The following ASRGL1 variants were observed in gnomAD, a reference collection of about 807,000 sequenced individuals.
The protein encoded by ASRGL1 is asparaginase and isoaspartyl peptidase 1, also known as isoaspartyl peptidase/L-asparaginase.
Under a neutral mutation model 22.4 loss-of-function variants are expected in ASRGL1, and 16 were observed. The observed-to-expected ratio is 0.71, with a 90% CI of 0.48 to 1.08. The LOEUF is 1.08. Among genes scored for constraint, ASRGL1 ranks in the 50% least tolerant of loss-of-function variants. The probability of loss-of-function intolerance (pLI) is 0.00; values close to 1 mark genes in which losing one functional copy is unlikely to be tolerated. For synonymous variants in ASRGL1, 165 were observed against 159.3 expected, an observed-to-expected ratio of 1.04 and a Z score of -0.27; for missense variants, 412 against 410.1, an observed-to-expected ratio of 1.00 and a Z score of -0.04.
At chr11:62,373,194 C>A in intron 4 of ASRGL1, 1 of 979,652 alleles carries the variant, frequency 1.0e-6, no homozygotes. Context: ...GAGACTCCTC[C>A]GACTCCACAC....
At chr11:62,372,057 G>A (rs1362434679) in intron 4 of ASRGL1, 4 of 753,062 alleles carry the variant, frequency 5.3e-6, no homozygotes, top group Admixed American at 3.6e-5. Context: ...GCGGGGGTCC[G>A]GGTGCGGACA....
chr11:62,395,673 C>T (rs7929433), downstream of ASRGL1, among the ~76,000 whole-genome samples: 42,137 of 150,976 alleles, frequency 0.28, 5,966 homozygotes, highest in South Asian at 0.36. Flanking sequence ...TCGTTCTTCC[C>T]GCCCCCCACC....
intron 2 of ASRGL1, among the ~76,000 whole-genome samples, chr11:62,349,038 G>A (rs562868634): frequency 1.0e-3 from 159 of 151,756 alleles, no homozygotes; most frequent in African/African-American, 3.6e-3. Context: ...GCACGATCTC[G>A]GCTCACTGCA....
chr11:62,400,635 T>C, the ASRGL1 span, among the ~76,000 whole-genome samples: 6 of 152,364 alleles, frequency 3.9e-5, no homozygotes, highest in African/African-American at 1.4e-4. Context: ...CATCTATTTC[T>C]ACTTTGTGGA....
intron 4 of ASRGL1, chr11:62,371,327 G>A (rs1288769564): frequency 1.3e-5 from 16 of 1,270,864 alleles, no homozygotes; most frequent in Non-Finnish European, 1.6e-5. Context: ...GGGGCCCCCG[G>A]CAGGGGCAAG....
intron 4 of ASRGL1, among the ~76,000 whole-genome samples, chr11:62,374,527 G>C (rs1473666829): frequency 6.7e-6 from 1 of 148,594 alleles, no homozygotes; most frequent in Non-Finnish European, 1.5e-5. Context: ...TTAAATATTG[G>C]TCTCTTCAAG....
At chr11:62,372,656 A>T in intron 4 of ASRGL1, 1 of 988,398 alleles carries the variant, frequency 1.0e-6, no homozygotes, top group South Asian at 1.3e-5. Flanking sequence ...CCCAGAAGTG[A>T]GTCTTCTCCT....
chr11:62,393,812 G>C (rs562996348), downstream of ASRGL1, among the ~76,000 whole-genome samples: 5 of 151,778 alleles, frequency 3.3e-5, no homozygotes, highest in African/African-American at 1.2e-4. Flanking sequence ...CTCAGCTCTG[G>C]AGGCTAAAAG....
chr11:62,362,562 T>TATAA (rs1312578222), intron 4 of ASRGL1, among the ~76,000 whole-genome samples: 1 of 24,586 alleles, frequency 4.1e-5, no homozygotes, highest in Non-Finnish European at 5.9e-5. Context: ...CATATATTAT[T>TATAA]TATATAATAT....
chr11:62,381,865 GT>G (rs1347133358), intron 4 of ASRGL1: 2 of 152,844 alleles, frequency 1.3e-5, no homozygotes, highest in Non-Finnish European at 2.9e-5. Context: ...TCATCAACTT[GT>G]TCTCAATGAC....
chr11:62,384,316 A>G (rs1363607353), intron 4 of ASRGL1, among the ~76,000 whole-genome samples: 2 of 152,064 alleles, frequency 1.3e-5, no homozygotes, highest in Admixed American at 6.5e-5. Flanking sequence ...CAGCCTGGCC[A>G]AGATGGTGAA....
At chr11:62,374,461 C>T (rs1045785255) in intron 4 of ASRGL1, among the ~76,000 whole-genome samples, 4 of 152,110 alleles carry the variant, frequency 2.6e-5, no homozygotes, top group African/African-American at 9.7e-5. Context: ...TTCAGTGGTG[C>T]TTATGGGGGA....
intron 4 of ASRGL1, among the ~76,000 whole-genome samples, chr11:62,378,190 A>G (rs1946975998): frequency 6.6e-6 from 1 of 152,032 alleles, no homozygotes; most frequent in East Asian, 1.9e-4. Context: ...TTGTAGCTTA[A>G]TTTTTCTATA....
intron 2 of ASRGL1, among the ~76,000 whole-genome samples, chr11:62,343,377 CAAAAAAA>C (rs35798082): frequency 3.5e-5 from 3 of 86,352 alleles, no homozygotes; most frequent in African/African-American, 9.3e-5. Context: ...GACCCTGTCT[CAAAAAAA>C]AAAAAAAAAA....
At chr11:62,359,843 A>G (rs1490430967) in intron 4 of ASRGL1, among the ~76,000 whole-genome samples, 1 of 152,150 alleles carries the variant, frequency 6.6e-6, no homozygotes, top group Non-Finnish European at 1.5e-5. Flanking sequence ...TTTCAAAAAT[A>G]CAGTGGTAAA....
the ASRGL1 span, among the ~76,000 whole-genome samples, chr11:62,400,371 T>C: frequency 1.3e-5 from 2 of 152,200 alleles, no homozygotes; most frequent in African/African-American, 4.8e-5. Flanking sequence ...TATTATTTTA[T>C]TAACCATACC....
chr11:62,363,219 C>T (rs1039817742), intron 4 of ASRGL1, among the ~76,000 whole-genome samples: 1 of 151,724 alleles, frequency 6.6e-6, no homozygotes, highest in East Asian at 1.9e-4. Context: ...AGGCGTGAAC[C>T]ACCATGCCTG....
intron 5 of ASRGL1, chr11:62,389,509 CAG>C (rs1037405126): frequency 1.2e-4 from 62 of 514,642 alleles, no homozygotes; most frequent in African/African-American, 8.5e-4. Flanking sequence ...GAAGTGGAGA[CAG>C]GGATGCTAAC....
chr11:62,362,514 ATAT>A (rs1289038359), intron 4 of ASRGL1, among the ~76,000 whole-genome samples: 1 of 45,154 alleles, frequency 2.2e-5, no homozygotes, highest in African/African-American at 8.4e-5. Context: ...TATATAACAT[ATAT>A]TATTTATATA....
Sources: gnomAD v4.1 joint callset for allele counts (sites outside exome capture counted in the v4.1 genomes callset) on GRCh38, gnomAD v4.1.1 for gene constraint, MANE v1.5 for transcripts, NCBI Gene and HGNC (gene_info 2026-07-23, HGNC 2026-07-21) for gene names.